PCDHGA6: variants seen among roughly 807,000 people sequenced by gnomAD.
PCDHGA6 encodes protocadherin gamma-A6.
PCDHGA6 carries 41 observed loss-of-function variants against 60.6 expected under a neutral mutation model. The observed-to-expected ratio is 0.68, with a 90% CI of 0.53 to 0.88. The LOEUF (loss-of-function observed/expected upper bound fraction) is 0.88. Ranked by LOEUF, PCDHGA6 falls within the 40% of genes least tolerant of loss-of-function variation. The pLI is 0.00. For synonymous variants in PCDHGA6, 594 were observed against 524.4 expected (o/e 1.13, Z -1.81); for missense variants, 1,312 against 1,203.0 (o/e 1.09, Z -1.34).
In PCDHGA6 at chr5:141,489,307, T is replaced by A; in HGVS notation, c.2425-5500T>A. On this transcript the variant is annotated intron_variant, in intron 1 of 3. Transcript: ENST00000517434. The surrounding 1 kb of genome is among the most constrained non-coding windows in gnomAD (Gnocchi z 4.5). ...AGTGCTGTGCATGTTGTCCTTGTGCTGCTGGGGCTGGGTGTCTGGGCAGCT... is the reference window on the plus strand; with the variant it reads ...AGTGCTGTGCATGTTGTCCTTGTGCAGCTGGGGCTGGGTGTCTGGGCAGCT... The A allele has an allele frequency of 6.3e-7, 1 of 1,591,138 alleles. No individual in the cohort carries two copies. The highest frequency in any genetic ancestry group is 8.6e-7 in the Non-Finnish European group (1 of 1,168,222).
intron 1 of PCDHGA6, chr5:141,421,230 G>T: frequency 6.3e-7 from 1 of 1,590,132 alleles, no homozygotes. Context: ...AGCCTGCCAT[G>T]GCGAATCGGC....
rs57426385 is a variant in PCDHGA6 at position 141,415,740 on chromosome 5, G to GTTT, written c.2424+39263_2424+39265dup. ...TGAGTAGAATTTGATGTTTATTAAG[G>GTTT]TTTTTTTTTTTTTTTTTTTTTTTTT... On this transcript the variant is annotated intron_variant, in intron 1 of 3. Transcript: ENST00000517434. 6,178 of 620,014 alleles carry GTTT rather than the reference G, an allele frequency of 1.0e-2. 42 individuals are homozygous for GTTT. Among genetic ancestry groups the GTTT allele is most frequent in the South Asian group, 0.019 (660 of 34,340 alleles). The allele number at this position is 620,014 out of a possible 1,614,324, so 38.4% of individuals were successfully genotyped here. A position where few individuals can be genotyped will look rare whatever the true frequency, so the allele number is the denominator to read the frequency against.
In PCDHGA6 at chr5:141,451,946, G is replaced by A. The variant is rs146934262; in HGVS notation, c.2425-42861G>A. On this transcript the variant is annotated intron_variant, in intron 1 of 3. Coordinates refer to ENST00000517434, the MANE Select transcript of PCDHGA6 (RefSeq NM_018919.3). ...GGAGGTAGGGAGGCAGGGAAAGACC[G>A]AGAAAGTGACATACCATCATTTTTG... Among the ~76,000 whole-genome samples, 240 of 152,218 alleles carry A rather than the reference G, an allele frequency of 1.6e-3. 1 individual carries two copies. Among genetic ancestry groups the A allele is most frequent in the Non-Finnish European group, 2.9e-3 (195 of 68,026 alleles).
chr5:141,466,085 G>T (rs1028177123), intron 1 of PCDHGA6, among the ~76,000 whole-genome samples: 2 of 151,984 alleles, frequency 1.3e-5, no homozygotes, highest in African/African-American at 4.8e-5. Flanking sequence ...TCATGCCACT[G>T]CACTCCAGCC....
chr5:141,442,720 T>C (rs941034636), intron 1 of PCDHGA6, among the ~76,000 whole-genome samples: 1 of 152,202 alleles, frequency 6.6e-6, no homozygotes, highest in Non-Finnish European at 1.5e-5. Flanking sequence ...GCCAGAGCAT[T>C]TGGGGCCTGT....
At position 141,409,955 on chromosome 5, in the gene PCDHGA6, G is replaced by A. The variant is rs946959934; in HGVS notation, c.2424+33448G>A. On this transcript the variant is annotated intron_variant, in intron 1 of 3. Coordinates refer to ENST00000517434, the MANE Select transcript of PCDHGA6 (RefSeq NM_018919.3). ...TATGGTACCTCGCTCTGCAGAGCCC[G>A]GCTACCTAGTGACTAAGGTGGTAGC... is the stretch of plus-strand genomic sequence containing the variant. The A allele has an allele frequency of 2.8e-5, 45 of 1,613,234 alleles. No individual in the cohort carries two copies. The highest frequency in any genetic ancestry group is 3.6e-5 in the Non-Finnish European group (42 of 1,179,814).
intron 1 of PCDHGA6, chr5:141,384,446 C>T (rs781605513): frequency 5.6e-6 from 9 of 1,614,034 alleles, no homozygotes; most frequent in South Asian, 4.4e-5. Context: ...GTCCTGTACG[C>T]GCTGCAATCC....
intron 1 of PCDHGA6, chr5:141,418,309 G>A (rs756375907): frequency 6.2e-7 from 1 of 1,614,008 alleles, no homozygotes; most frequent in South Asian, 1.1e-5. Flanking sequence ...GCCTGGGGAT[G>A]GGAACAATTC....
chr5:141,419,834 A>C, intron 1 of PCDHGA6: 1 of 1,614,072 alleles, frequency 6.2e-7, no homozygotes, highest in Non-Finnish European at 8.5e-7. Context: ...AGCCACTGCC[A>C]CGCTGCACCT....
At chr5:141,428,290 C>A in intron 1 of PCDHGA6, 1 of 726,802 alleles carries the variant, frequency 1.4e-6, no homozygotes, top group Non-Finnish European at 2.4e-6. Context: ...CCAAGCAAAG[C>A]TGCAGATTTA....
chr5:141,408,669 C>T lies in PCDHGA6; in HGVS notation c.2424+32162C>T, dbSNP rs2095146839. ...GCTGGTACACGACTATCGCTTGACCCTGCCACGGATCCTGATATAAACATA... is the reference window on the plus strand; with the variant it reads ...GCTGGTACACGACTATCGCTTGACCTTGCCACGGATCCTGATATAAACATA... On this transcript the variant is annotated intron_variant, in intron 1 of 3. Transcript: ENST00000517434. The T allele has an allele frequency of 2.5e-6, 4 of 1,613,988 alleles. No homozygotes were observed. Among genetic ancestry groups the T allele is most frequent in the South Asian group, 2.2e-5 (2 of 91,078 alleles).
chr5:141,463,904 T>C (rs1289422146), intron 1 of PCDHGA6, among the ~76,000 whole-genome samples: 3 of 152,214 alleles, frequency 2.0e-5, no homozygotes, highest in African/African-American at 4.8e-5. Context: ...TTTGTACTAA[T>C]AATATATCCT....
rs2099416627 is a variant in PCDHGA6 at position 141,477,726 on chromosome 5, C to T, written c.2425-17081C>T. 6.2e-7 allele frequency: 1 copy of T among 1,613,822 alleles called. No homozygotes were observed. The highest frequency in any genetic ancestry group is 8.5e-7 in the Non-Finnish European group (1 of 1,180,020). ...GATCGGCGGGAATTTGAATTAACAG[C>T]TCATATCAGCGATGGGGGCACCCCG... On this transcript the variant is annotated intron_variant, in intron 1 of 3. Coordinates refer to ENST00000517434, the MANE Select transcript of PCDHGA6 (RefSeq NM_018919.3). This position sits in a 1 kb window ranked among gnomAD's most constrained non-coding sequence, Gnocchi z 4.9.
intron 1 of PCDHGA6, among the ~76,000 whole-genome samples, chr5:141,435,478 C>A (rs1279447863): frequency 6.6e-6 from 1 of 152,146 alleles, no homozygotes; most frequent in Non-Finnish European, 1.5e-5. Flanking sequence ...TTAGACATTT[C>A]TTTTGCCCAT....
chr5:141,410,332 C>T (rs541138780), intron 1 of PCDHGA6: 2 of 1,614,002 alleles, frequency 1.2e-6, no homozygotes, highest in Non-Finnish European at 1.7e-6. Context: ...TGATTCTGGC[C>T]ATTGCCTTGC....
At position 141,402,884 on chromosome 5, in the gene PCDHGA6, T is replaced by C. The variant is rs73792196; in HGVS notation, c.2424+26377T>C. Reference sequence around the variant, plus strand: ...GAAAAGATCACCATACTTTGCAGGGTGGAAGAAAGAACCTGATGAAGCAGC... The same window carrying C: ...GAAAAGATCACCATACTTTGCAGGGCGGAAGAAAGAACCTGATGAAGCAGC... On this transcript the variant is annotated intron_variant, in intron 1 of 3. Transcript: ENST00000517434. The C allele has an allele frequency of 1.4e-3, 2,074 of 1,481,580 alleles. 26 individuals carry two copies. The African/African-American group carries it at 0.026, about 18-fold the overall frequency. The allele number at this position is 1,481,580 out of a possible 1,614,324, so 91.8% of individuals were successfully genotyped here.
chr5:141,395,084 C>A (rs757269551), intron 1 of PCDHGA6: 1 of 1,614,190 alleles, frequency 6.2e-7, no homozygotes, highest in South Asian at 1.1e-5. Flanking sequence ...CCCAGGAAGT[C>A]TCCCTCACCG....
chr5:141,388,636 T>G, intron 1 of PCDHGA6: 1 of 1,613,918 alleles, frequency 6.2e-7, no homozygotes. Context: ...AGGGTGAGCC[T>G]TTCAGAAAAC....
chr5:141,395,148 C>T (rs1288484224), intron 1 of PCDHGA6: 19 of 1,614,078 alleles, frequency 1.2e-5, no homozygotes, highest in Non-Finnish European at 1.6e-5. Context: ...CGCAGACATG[C>T]TCATCAGTCA....
Sources: gnomAD v4.1 joint callset for allele counts (sites outside exome capture counted in the v4.1 genomes callset) on GRCh38, gnomAD v4.1.1 for gene constraint, Gnocchi (gnomAD v3.1) non-coding constraint, MANE v1.5 for transcripts, NCBI Gene and HGNC (gene_info 2026-07-23, HGNC 2026-07-21) for gene names.